The following TYW1 variants were observed in gnomAD, a reference collection of about 807,000 sequenced individuals.
The protein encoded by TYW1 is S-adenosyl-L-methionine-dependent tRNA 4-demethylwyosine synthase TYW1.
A neutral mutation model predicts 96.2 loss-of-function variants in TYW1; 46 were observed. The observed-to-expected ratio is 0.48, with a 90% CI of 0.38 to 0.61. TYW1 has a LOEUF of 0.61. TYW1 is among the 20% of genes least tolerant of loss of function. TYW1 has a pLI of 0.00. For synonymous variants in TYW1, 274 were observed against 323.0 expected (o/e 0.85, Z 1.63); for missense variants, 684 against 909.6 (o/e 0.75, Z 3.19).
intron 15 of TYW1, among the ~76,000 whole-genome samples, chr7:67,234,294 C>T (rs7809115): frequency 0.15 from 19,208 of 128,120 alleles, 4,594 homozygotes; most frequent in East Asian, 0.27. Context: ...CTGCAATGTG[C>T]AATAGTTGCA....
chr7:67,052,406 A>G (rs913615372), intron 8 of TYW1, among the ~76,000 whole-genome samples: 4 of 152,280 alleles, frequency 2.6e-5, no homozygotes, highest in East Asian at 1.9e-4. Flanking sequence ...TTCAAGTTCA[A>G]TAATCTTTCT....
rs575371772 is a variant in TYW1, at chr7:67,178,004, GA to G, written c.1699-5109del. On this transcript the variant is annotated intron_variant, in intron 13 of 15. Transcript: ENST00000359626. ...GCCTGTCTCTACAGAAAAAAAAAAA[GA>G]AAAAAAAAAAAAGCTAGGAGTGGCA... Among the ~76,000 whole-genome samples the G allele has an allele frequency of 7.8e-3, 971 of 124,810 alleles. 5 individuals are homozygous for G. Among genetic ancestry groups the G allele is most frequent in the Non-Finnish European group, 0.011 (661 of 59,240 alleles). 81.9% of individuals were successfully genotyped at this position (124,810 alleles called of 152,430 possible).
chr7:67,188,853 C>T (rs61193198), intron 14 of TYW1, among the ~76,000 whole-genome samples: 8,573 of 152,170 alleles, frequency 0.056, 509 homozygotes, highest in East Asian at 0.18. Context: ...CAGATGCAGA[C>T]ACAATGCTGT....
Position 67,025,003 on chromosome 7 carries a change from A to C in TYW1, c.965A>C (p.Asp322Ala). The change falls in exon 7 of 16, where the codon GAT (aspartate) becomes GCT (alanine). Residue 322 changes from aspartate (D) to alanine (A), a missense_variant. Asp to Ala is a moderately radical substitution (Grantham distance 126). Transcript: ENST00000359626. ...GTTGAAGATTTGGGCAAAATTATGGATCATGTGAAGAAAGAAAAGGTACCG... is the reference window on the plus strand; with the variant it reads ...GTTGAAGATTTGGGCAAAATTATGGCTCATGTGAAGAAAGAAAAGGTACCG... ...VDVEDLGKIM[D>A]HVKKEKREKE... 1.9e-6 allele frequency: 3 copies of C among 1,613,790 alleles called. No individual in the cohort carries two copies. Among genetic ancestry groups the C allele is most frequent in the Non-Finnish European group, 2.5e-6 (3 of 1,179,812 alleles).
intron 1 of TYW1, 127 bp downstream of exon 1, chr7:66,997,109 G>A: frequency 6.5e-7 from 1 of 1,536,634 alleles, no homozygotes; most frequent in South Asian, 1.2e-5. Flanking sequence ...TGACAGCACC[G>A]GCTAGTCGCC....
chr7:67,207,305 T>G (rs1019529188), intron 15 of TYW1, among the ~76,000 whole-genome samples: 1 of 152,214 alleles, frequency 6.6e-6, no homozygotes, highest in Non-Finnish European at 1.5e-5. Flanking sequence ...CCTTTCTCAT[T>G]GTCTTCCCTT....
intron 15 of TYW1, among the ~76,000 whole-genome samples, chr7:67,215,345 A>G (rs917794853): frequency 6.6e-6 from 1 of 152,196 alleles, no homozygotes; most frequent in Non-Finnish European, 1.5e-5. Flanking sequence ...GTTAACTCTT[A>G]ACAGCCCCTT....
chr7:67,128,656 G>A (rs1266720505), intron 13 of TYW1, among the ~76,000 whole-genome samples: 1 of 151,662 alleles, frequency 6.6e-6, no homozygotes, highest in Non-Finnish European at 1.5e-5. Flanking sequence ...ATGGGGAGGG[G>A]AAGCATTCTG....
At chr7:67,003,078 C>T (rs1793461133) in intron 3 of TYW1, among the ~76,000 whole-genome samples, 1 of 152,094 alleles carries the variant, frequency 6.6e-6, no homozygotes, top group Admixed American at 6.6e-5. Flanking sequence ...CCCTAAATTT[C>T]TGTTTCTAAT....
chr7:67,054,616 A>G (rs1200121589), intron 8 of TYW1, among the ~76,000 whole-genome samples: 3 of 152,250 alleles, frequency 2.0e-5, no homozygotes, highest in South Asian at 2.1e-4. Context: ...CATTGCTCCA[A>G]TAATCATCAC....
At chr7:67,073,063 C>T (rs1366160621) in intron 10 of TYW1, among the ~76,000 whole-genome samples, 1 of 147,442 alleles carries the variant, frequency 6.8e-6, no homozygotes, top group African/African-American at 2.5e-5. Context: ...AGATTATAGG[C>T]GTGGGCTACC....
chr7:67,061,486 G>A (rs547196829), intron 9 of TYW1, among the ~76,000 whole-genome samples: 1 of 152,186 alleles, frequency 6.6e-6, no homozygotes, highest in African/African-American at 2.4e-5. Flanking sequence ...GAGCTAGGAA[G>A]CCAAACCAGG....
chr7:67,181,796 G>A (rs1321255622), intron 13 of TYW1, among the ~76,000 whole-genome samples: 2 of 151,808 alleles, frequency 1.3e-5, no homozygotes, highest in African/African-American at 4.8e-5. Flanking sequence ...CTACTCAAGG[G>A]GTGGGTCTCA....
chr7:67,161,663 T>C (rs546284960), intron 13 of TYW1, among the ~76,000 whole-genome samples: 2 of 152,310 alleles, frequency 1.3e-5, no homozygotes, highest in South Asian at 4.1e-4. Context: ...TATTTGACCA[T>C]GTGTCCATTA....
intron 13 of TYW1, among the ~76,000 whole-genome samples, chr7:67,182,743 G>C (rs1197751373): frequency 7.3e-6 from 1 of 137,758 alleles, no homozygotes; most frequent in Non-Finnish European, 1.6e-5. Flanking sequence ...CTAACAACTT[G>C]GGTGATTATT....
rs771714306 is a variant in TYW1 at position 67,049,961 on chromosome 7, C to A, written c.997C>A (p.Gln333Lys). ...TATTTTAATGCAGAGAGAAAAGGAA[C>A]AGCAGGAAGAGAAGTCTGGTTTGTT... is the stretch of plus-strand genomic sequence containing the variant. ...HVKKEKREKE[Q>K]QEEKSGLFRN... Residue 333 changes from glutamine to lysine, a missense_variant, in exon 8 of 16, where the codon CAG becomes AAG. By Grantham distance (53) the Gln-to-Lys change is moderately conservative (BLOSUM62 1). Coordinates refer to ENST00000359626, the MANE Select transcript of TYW1 (RefSeq NM_018264.4). 6.2e-7 allele frequency: 1 copy of A among 1,613,640 alleles called. No homozygotes were observed. Among genetic ancestry groups the A allele is most frequent in the Non-Finnish European group, 8.5e-7 (1 of 1,179,940 alleles).
chr7:67,134,413 G>A (rs1798180765), intron 13 of TYW1, among the ~76,000 whole-genome samples: 2 of 137,380 alleles, frequency 1.5e-5, no homozygotes, highest in South Asian at 4.6e-4. Flanking sequence ...CATGGTGGCA[G>A]GCGCCTGTAA....
intron 13 of TYW1, among the ~76,000 whole-genome samples, chr7:67,127,228 G>A (rs140346544): frequency 1.3e-3 from 188 of 149,284 alleles, no homozygotes; most frequent in Middle Eastern, 7.0e-3. Flanking sequence ...GCCTGATCTC[G>A]GCTCACTGCA....
At chr7:67,142,593 T>G (rs1482188419) in intron 13 of TYW1, among the ~76,000 whole-genome samples, 1 of 150,900 alleles carries the variant, frequency 6.6e-6, no homozygotes, top group Non-Finnish European at 1.5e-5. Context: ...CATGCCACCA[T>G]GCCTGGCTGA....
Sources: allele counts gnomAD v4.1 joint callset (sites outside exome capture counted in the v4.1 genomes callset), GRCh38; gene constraint gnomAD v4.1.1; transcripts MANE v1.5; gene names NCBI Gene and HGNC (gene_info 2026-07-23, HGNC 2026-07-21).